The following PTPRD variants were observed in gnomAD, a reference collection of about 807,000 sequenced individuals.
The protein encoded by PTPRD is receptor-type tyrosine-protein phosphatase delta.
Under a neutral mutation model 214.5 loss-of-function variants are expected in PTPRD, and 34 were observed. The observed-to-expected ratio is 0.16, with a 90% confidence interval of 0.12 to 0.21. PTPRD has a LOEUF of 0.21. PTPRD is among the 10% of genes least tolerant of loss of function. The pLI is 1.00. For synonymous variants in PTPRD, 1,128 were observed against 845.7 expected (o/e 1.33, Z -5.79); for missense variants, 2,545 against 2,398.7 (o/e 1.06, Z -1.27).
intron 10 of PTPRD, among the ~76,000 whole-genome samples, chr9:9,081,712 G>C (rs1324502443): frequency 6.6e-6 from 1 of 151,926 alleles, no homozygotes; most frequent in Non-Finnish European, 1.5e-5. Context: ...AGGAGAGTTA[G>C]CTCTTCTTGT....
At chr9:10,098,258 C>G (rs967230729) in intron 3 of PTPRD, among the ~76,000 whole-genome samples, 9 of 150,624 alleles carry the variant, frequency 6.0e-5, no homozygotes, top group Admixed American at 5.3e-4. Flanking sequence ...AAACCAAACA[C>G]CGCGTGTTCT....
intron 3 of PTPRD, among the ~76,000 whole-genome samples, chr9:10,098,043 C>T (rs186991869): frequency 4.0e-5 from 6 of 151,694 alleles, no homozygotes; most frequent in Admixed American, 1.3e-4. Context: ...CACATGCACA[C>T]GTATGTTTAT....
chr9:10,156,952 T>A (rs889920346), intron 3 of PTPRD, among the ~76,000 whole-genome samples: 8 of 152,176 alleles, frequency 5.3e-5, no homozygotes, highest in Non-Finnish European at 1.0e-4. Flanking sequence ...GGATTGCAAC[T>A]TCTGCTTTTT....
chr9:9,940,899 C>A (rs1476139833), intron 4 of PTPRD, among the ~76,000 whole-genome samples: 2 of 152,064 alleles, frequency 1.3e-5, no homozygotes, highest in African/African-American at 2.4e-5. Flanking sequence ...GCTTTTTAAT[C>A]AAGAAAAGGT....
At chr9:8,525,075 A>C in intron 17 of PTPRD, 40 bp from the exon 18 acceptor site, 1 of 1,542,496 alleles carries the variant, frequency 6.5e-7, no homozygotes, top group Non-Finnish European at 9.0e-7. Flanking sequence ...AGATGATCAG[A>C]GAAGGCTTTC....
chr9:8,503,233 A>G (rs1308996131), intron 23 of PTPRD, among the ~76,000 whole-genome samples: 1 of 152,072 alleles, frequency 6.6e-6, no homozygotes, highest in Non-Finnish European at 1.5e-5. Context: ...GCTTATTTGT[A>G]TGGAAGGAAA....
At chr9:8,705,053 C>T (rs1280601318) in intron 12 of PTPRD, among the ~76,000 whole-genome samples, 1 of 152,116 alleles carries the variant, frequency 6.6e-6, no homozygotes, top group East Asian at 1.9e-4. Flanking sequence ...TTATAACACA[C>T]TTCTATCTGA....
chr9:9,098,284 G>A (rs184866890), intron 10 of PTPRD, among the ~76,000 whole-genome samples: 2 of 151,950 alleles, frequency 1.3e-5, no homozygotes, highest in Non-Finnish European at 2.9e-5. Flanking sequence ...TATCATTTTT[G>A]TTGTTGTTGT....
intron 9 of PTPRD, among the ~76,000 whole-genome samples, chr9:9,186,952 A>C (rs891843710): frequency 6.6e-6 from 1 of 151,834 alleles, no homozygotes; most frequent in Non-Finnish European, 1.5e-5. Context: ...CTTCTGTTAT[A>C]AACTGAAATT....
At chr9:9,205,507 C>T (rs1428514875) in intron 9 of PTPRD, among the ~76,000 whole-genome samples, 1 of 151,970 alleles carries the variant, frequency 6.6e-6, no homozygotes. Context: ...TAAAAGTATG[C>T]CAAAATTCAA....
intron 9 of PTPRD, among the ~76,000 whole-genome samples, chr9:9,287,869 T>C (rs1265778601): frequency 1.3e-5 from 2 of 151,758 alleles, no homozygotes; most frequent in African/African-American, 2.4e-5. Context: ...GGTGCAAACA[T>C]ACCAGTAAAA....
chr9:8,565,333 A>G (rs1451811155), intron 14 of PTPRD, among the ~76,000 whole-genome samples: 1 of 152,200 alleles, frequency 6.6e-6, no homozygotes, highest in Non-Finnish European at 1.5e-5. Context: ...AATTTCCTAT[A>G]GACTGCTTTC....
chr9:9,431,192 T>C lies in PTPRD; in HGVS notation c.-236-33710A>G, dbSNP rs200362819. On this transcript the variant is annotated intron_variant, in intron 8 of 45. Coordinates refer to ENST00000381196, the MANE Select transcript of PTPRD (RefSeq NM_002839.4). ...TAATATCCAGAATCTACAAAGAACT[T>C]AAACAAATTTACAAGAAAAAATCAA... Among the ~76,000 whole-genome samples the C allele has an allele frequency of 1.3e-4, 20 of 152,084 alleles. No individual in the cohort carries two copies. In the South Asian group the frequency reaches 2.1e-3, roughly 16 times the overall value.
At chr9:9,608,707 G>C (rs777266604) in intron 7 of PTPRD, among the ~76,000 whole-genome samples, 11 of 152,158 alleles carry the variant, frequency 7.2e-5, no homozygotes, top group Non-Finnish European at 1.0e-4. Flanking sequence ...TTTCTACCCA[G>C]TCCTCAAGTG....
chr9:10,582,850 A>G (rs996802632), intron 2 of PTPRD, among the ~76,000 whole-genome samples: 2 of 152,220 alleles, frequency 1.3e-5, no homozygotes, highest in African/African-American at 4.8e-5. Context: ...TAACCTAGAA[A>G]ACTACGTCAG....
intron 9 of PTPRD, among the ~76,000 whole-genome samples, chr9:9,371,408 T>G (rs903687955): frequency 6.6e-6 from 1 of 152,220 alleles, no homozygotes; most frequent in African/African-American, 2.4e-5. Flanking sequence ...GTAGAGGTGT[T>G]TATAGTATTC....
At chr9:10,119,058 CA>C (rs2098753956) in intron 3 of PTPRD, among the ~76,000 whole-genome samples, 1 of 151,788 alleles carries the variant, frequency 6.6e-6, no homozygotes, top group Admixed American at 6.6e-5. Context: ...ATTAAAGTTA[CA>C]ACAAACGTAG....
At chr9:8,773,946 TC>T (rs1267612939) in intron 11 of PTPRD, among the ~76,000 whole-genome samples, 8 of 152,166 alleles carry the variant, frequency 5.3e-5, no homozygotes, top group Non-Finnish European at 2.9e-5. Flanking sequence ...ATGACACACT[TC>T]CAGCTACCTT....
chr9:10,300,990 G>T (rs1313377857), intron 3 of PTPRD, among the ~76,000 whole-genome samples: 2 of 152,134 alleles, frequency 1.3e-5, no homozygotes, highest in African/African-American at 4.8e-5. Context: ...CCCAGTAGGG[G>T]CTGACAGACA....
Sources: allele counts gnomAD v4.1 joint callset (sites outside exome capture counted in the v4.1 genomes callset), GRCh38; gene constraint gnomAD v4.1.1; transcripts MANE v1.5; gene names NCBI Gene and HGNC (gene_info 2026-07-23, HGNC 2026-07-21).